The following PRUNE2 variants were observed in gnomAD, a reference collection of about 807,000 sequenced individuals.
The protein encoded by PRUNE2 is prune homolog 2 with BCH domain.
In PRUNE2, 164 loss-of-function variants were observed where a neutral mutation model predicts 252.0. That is an observed-to-expected ratio of 0.65 (90% CI 0.57 to 0.74). The LOEUF (loss-of-function observed/expected upper bound fraction) is 0.74, where lower values mean the gene tolerates loss of function less well. PRUNE2 is among the 30% of genes least tolerant of loss of function. The pLI, the probability that PRUNE2 is intolerant of heterozygous loss-of-function variation, is 0.00. For synonymous variants in PRUNE2, 1,292 were observed against 1,350.2 expected (o/e 0.96, Z 0.94); for missense variants, 3,495 against 3,711.0 (o/e 0.94, Z 1.51).
chr9:76,640,933 C>A (rs974452530), intron 12 of PRUNE2, among the ~76,000 whole-genome samples: 1 of 152,190 alleles, frequency 6.6e-6, no homozygotes, highest in Non-Finnish European at 1.5e-5. Flanking sequence ...AAGATCATGA[C>A]CACTCAGTTA....
At chr9:76,625,506 G>A (rs1834298061) in intron 16 of PRUNE2, among the ~76,000 whole-genome samples, 1 of 152,164 alleles carries the variant, frequency 6.6e-6, no homozygotes, top group African/African-American at 2.4e-5. Flanking sequence ...GGTGATGTAT[G>A]ATGGTAATAA....
intron 15 of PRUNE2, among the ~76,000 whole-genome samples, chr9:76,635,402 T>G (rs1476116674): frequency 2.6e-5 from 4 of 152,204 alleles, no homozygotes; most frequent in Non-Finnish European, 5.9e-5. Context: ...AATTATTAAT[T>G]AATTTCGTCT....
At position 76,747,952 on chromosome 9, in the gene PRUNE2, T is replaced by C. The variant is rs149126024; in HGVS notation, c.757-34231A>G. ...CTGGGATTACAGGTGCAGGCCACCATGATGGCTAATTTTTGTATTTTTTTT... is the reference window on the plus strand; with the variant it reads ...CTGGGATTACAGGTGCAGGCCACCACGATGGCTAATTTTTGTATTTTTTTT... On this transcript the variant is annotated intron_variant, in intron 6 of 18. Transcript: ENST00000376718. 7.8e-3 allele frequency among the ~76,000 whole-genome samples: 1,194 copies of C among 152,166 alleles called. 17 individuals carry two copies. The highest frequency in any genetic ancestry group is 0.028 in the African/African-American group (1,157 of 41,512).
Position 76,703,513 on chromosome 9 carries a change from C to T in PRUNE2, c.8100G>A (p.Lys2700=), listed in dbSNP as rs2046065369. 5.0e-6 allele frequency: 8 copies of T among 1,613,894 alleles called. No homozygotes were observed. Among genetic ancestry groups the T allele is most frequent in the Non-Finnish European group, 6.8e-6 (8 of 1,179,862 alleles). The change falls in exon 9 of 19, where the codon AAG becomes AAA. Residue 2700 remains lysine, a synonymous_variant. Coordinates refer to ENST00000376718, the MANE Select transcript of PRUNE2 (RefSeq NM_015225.3). The part of the protein sequence containing the change: ...EASGPVSQSQ[K]SKSRGRAGPD... ...GGCCAGCCCTGCCTCGGCTCTTACT[C>T]TTCTGTGATTGGCTGACTGGACCAG...
rs1564468673 is a variant in PRUNE2, at chr9:76,652,656, T to G, written c.8384A>C (p.Asp2795Ala). 6.2e-7 allele frequency: 1 copy of G among 1,612,180 alleles called. No individual in the cohort carries two copies. Among genetic ancestry groups the G allele is most frequent in the Admixed American group, 1.7e-5 (1 of 59,986 alleles). Residue 2795 changes from aspartate (D) to alanine (A), a missense_variant, in exon 11 of 19, where the codon GAC becomes GCC. Coordinates refer to ENST00000376718, the MANE Select transcript of PRUNE2 (RefSeq NM_015225.3). Reference protein sequence around the residue: ...PEPPNSLDLNDTHPRRIKLTA... With the variant: ...PEPPNSLDLNATHPRRIKLTA... Reference sequence around the variant, plus strand: ...GAGCTTGATTCTCCGAGGATGAGTGTCATTAAGATCCAGAGAATTAGGAGG... The same window carrying G: ...GAGCTTGATTCTCCGAGGATGAGTGGCATTAAGATCCAGAGAATTAGGAGG...
chr9:76,860,050 G>A (rs1053879081), intron 1 of PRUNE2, among the ~76,000 whole-genome samples: 5 of 152,270 alleles, frequency 3.3e-5, no homozygotes, highest in Non-Finnish European at 5.9e-5. Flanking sequence ...CTGGAAAGCT[G>A]AAACAATTGA....
Position 76,641,890 on chromosome 9 carries a change from T to C in PRUNE2, c.8728+2849A>G, listed in dbSNP as rs1842736964. ...AGATGTCACAGTCGCAACCAAAACA[T>C]ACACACACACACACCAGCCAGCAAC... On this transcript the variant is annotated intron_variant, in intron 12 of 18. Coordinates refer to ENST00000376718, the MANE Select transcript of PRUNE2 (RefSeq NM_015225.3). 8 of 1,450,546 alleles carry C rather than the reference T, an allele frequency of 5.5e-6. No homozygotes were observed. The South Asian group carries it at 8.4e-5, about 15-fold the overall frequency. The allele number at this position is 1,450,546 out of a possible 1,614,324, so 89.9% of individuals were successfully genotyped here.
At chr9:76,753,105 C>T (rs1384428492) in intron 6 of PRUNE2, among the ~76,000 whole-genome samples, 2 of 152,152 alleles carry the variant, frequency 1.3e-5, no homozygotes, top group Non-Finnish European at 2.9e-5. Flanking sequence ...TCACAACTTA[C>T]TAGAGTCTCC....
intron 3 of PRUNE2, among the ~76,000 whole-genome samples, chr9:76,847,301 G>A (rs1300748913): frequency 6.6e-6 from 1 of 151,268 alleles, no homozygotes; most frequent in East Asian, 1.9e-4. Flanking sequence ...ACTCCAGCCT[G>A]GGCAATAGAG....
Position 76,655,431 on chromosome 9 carries a change from A to C in PRUNE2, c.8348T>G (p.Met2783Arg). 1.2e-6 allele frequency: 2 copies of C among 1,610,522 alleles called. No homozygotes were observed. Among genetic ancestry groups the C allele is most frequent in the South Asian group, 1.1e-5 (1 of 90,510 alleles). Residue 2783 changes from methionine to arginine, a missense_variant, in exon 10 of 19, where the codon ATG becomes AGG. Transcript: ENST00000376718. ...ACAAATGCTGCTCTCACCAGGCCTC[A>C]TGTCTGCAGCACTGGGACTCAGCAC... ...EGVLSPSAAD[M>R]RPEPPNSLDL... is the part of the protein sequence containing the mutation.
At chr9:76,663,012 G>C (rs1259298023) in intron 9 of PRUNE2, among the ~76,000 whole-genome samples, 2 of 152,210 alleles carry the variant, frequency 1.3e-5, no homozygotes, top group Admixed American at 6.5e-5. Context: ...CTATGGGCTG[G>C]AGGACTGCCA....
chr9:76,696,763 G>A (rs1414718233), intron 9 of PRUNE2, among the ~76,000 whole-genome samples: 1 of 152,226 alleles, frequency 6.6e-6, no homozygotes, highest in African/African-American at 2.4e-5. Flanking sequence ...CCTGGTGGGA[G>A]ATGCGGGGGA....
chr9:76,895,258 C>T (rs143229155), intron 1 of PRUNE2, among the ~76,000 whole-genome samples: 67 of 152,278 alleles, frequency 4.4e-4, no homozygotes, highest in African/African-American at 1.6e-3. Context: ...TGCTGTGCCT[C>T]CTCTGGAGTC....
chr9:76,880,690 G>A (rs758931922), intron 1 of PRUNE2, among the ~76,000 whole-genome samples: 20 of 152,166 alleles, frequency 1.3e-4, no homozygotes, highest in Non-Finnish European at 2.4e-4. Flanking sequence ...CATGTCTTTT[G>A]CATTTTGAAG....
chr9:76,862,489 T>G (rs113841847), intron 1 of PRUNE2: 3,626 of 152,298 alleles, frequency 0.024, 107 homozygotes, highest in Middle Eastern at 0.078. Context: ...GCCTCCAGGT[T>G]GGAGTCATGC....
chr9:76,818,696 C>A (rs1435223708), intron 6 of PRUNE2, among the ~76,000 whole-genome samples: 1 of 152,108 alleles, frequency 6.6e-6, no homozygotes, highest in East Asian at 1.9e-4. Context: ...AAAGTCCTCA[C>A]CGTTCCTCAT....
Position 76,705,623 on chromosome 9 carries a change from A to G in PRUNE2, c.6651T>C (p.Ile2217=). 6.2e-7 allele frequency: 1 copy of G among 1,614,008 alleles called. No homozygotes were observed. The highest frequency in any genetic ancestry group is 8.5e-7 in the Non-Finnish European group (1 of 1,179,878). The part of the protein sequence containing the change: ...EKGASPDMAP[I]LEPVDRRIPR... ...GGATTCTTCTGTCAACTGGTTCCAAAATTGGTGCCATATCTGGGCTGGCTC... is the reference window on the plus strand; with the variant it reads ...GGATTCTTCTGTCAACTGGTTCCAAGATTGGTGCCATATCTGGGCTGGCTC... Residue 2217 remains isoleucine (I), a synonymous_variant, in exon 8 of 19, where the codon ATT becomes ATC. Coordinates refer to ENST00000376718, the MANE Select transcript of PRUNE2 (RefSeq NM_015225.3).
chr9:76,669,406 G>A (rs1298371606), intron 9 of PRUNE2, among the ~76,000 whole-genome samples: 3 of 151,782 alleles, frequency 2.0e-5, no homozygotes, highest in Non-Finnish European at 1.5e-5. Context: ...TGCAACCTCC[G>A]CCTCCTGGGT....
At chr9:76,689,534 T>C (rs2044481354) in intron 9 of PRUNE2, among the ~76,000 whole-genome samples, 1 of 151,646 alleles carries the variant, frequency 6.6e-6, no homozygotes, top group South Asian at 2.1e-4. Context: ...TTTAAAATTT[T>C]CTATAGAGAC....
Sources: allele counts gnomAD v4.1 joint callset (sites outside exome capture counted in the v4.1 genomes callset), GRCh38; gene constraint gnomAD v4.1.1; transcripts MANE v1.5; gene names NCBI Gene and HGNC (gene_info 2026-07-23, HGNC 2026-07-21).